GABRB1: variants seen among roughly 807,000 people sequenced by gnomAD.
The protein encoded by GABRB1 is gamma-aminobutyric acid receptor subunit beta-1.
A neutral mutation model predicts 51.6 loss-of-function variants in GABRB1; 17 were observed. That is an observed-to-expected ratio of 0.33 (90% CI 0.23 to 0.49). The LOEUF is 0.49. Among genes scored for constraint, GABRB1 ranks in the 20% least tolerant of loss-of-function variants. GABRB1 has a pLI of 0.99. For missense variants in GABRB1, 410 were observed against 600.6 expected, an observed-to-expected ratio of 0.68 and a Z score of 3.32; for synonymous variants, 247 against 218.9, an observed-to-expected ratio of 1.13 and a Z score of -1.14.
chr4:47,324,235 C>G (rs766051303), intron 5 of GABRB1, among the ~76,000 whole-genome samples: 1 of 152,140 alleles, frequency 6.6e-6, no homozygotes, highest in Non-Finnish European at 1.5e-5. Context: ...AGTTAGTTCT[C>G]TGTATTTCAC....
intron 8 of GABRB1, among the ~76,000 whole-genome samples, chr4:47,423,443 T>C (rs1033878826): frequency 1.3e-5 from 2 of 152,232 alleles, no homozygotes; most frequent in East Asian, 3.8e-4. Flanking sequence ...CCATGCTTCT[T>C]GGTCCCCGTA....
chr4:47,388,409 T>G (rs1264766058), intron 5 of GABRB1, among the ~76,000 whole-genome samples: 3 of 152,176 alleles, frequency 2.0e-5, no homozygotes, highest in Non-Finnish European at 4.4e-5. Flanking sequence ...AGGGTCGAAA[T>G]GGAGTAGGGA....
chr4:47,268,417 G>A (rs1411447051), intron 4 of GABRB1, among the ~76,000 whole-genome samples: 1 of 152,156 alleles, frequency 6.6e-6, no homozygotes. Context: ...AAAGCCTAAG[G>A]AGTGGAAAAG....
chr4:47,352,642 A>G (rs1244878695), intron 5 of GABRB1, among the ~76,000 whole-genome samples: 1 of 152,234 alleles, frequency 6.6e-6, no homozygotes. Context: ...AATCCAGCAT[A>G]TAAACAGAAT....
At chr4:47,237,168 G>A (rs1389175490) in intron 4 of GABRB1, among the ~76,000 whole-genome samples, 1 of 151,916 alleles carries the variant, frequency 6.6e-6, no homozygotes, top group Non-Finnish European at 1.5e-5. Context: ...CATCAAAAAT[G>A]TATATTATAT....
At chr4:47,069,668 C>A (rs1478435247) in intron 3 of GABRB1, among the ~76,000 whole-genome samples, 1 of 152,022 alleles carries the variant, frequency 6.6e-6, no homozygotes, top group Admixed American at 6.6e-5. Context: ...GAAAGGCCTT[C>A]CTCTCATTCC....
chr4:47,409,197 G>A (rs1728678597), intron 8 of GABRB1, among the ~76,000 whole-genome samples: 1 of 152,192 alleles, frequency 6.6e-6, no homozygotes, highest in South Asian at 2.1e-4. Flanking sequence ...CAGTAGGTGT[G>A]TTACAGTGCT....
chr4:47,421,172 A>G (rs1423712139), intron 8 of GABRB1, among the ~76,000 whole-genome samples: 4 of 151,050 alleles, frequency 2.6e-5, no homozygotes, highest in East Asian at 1.9e-4. Context: ...TTAAATGTCA[A>G]ACCACTTAAT....
chr4:47,018,526 C>T (rs1377628326), intron 1 of GABRB1, among the ~76,000 whole-genome samples: 2 of 152,052 alleles, frequency 1.3e-5, no homozygotes, highest in Non-Finnish European at 2.9e-5. Context: ...GGGGCCCTCA[C>T]CCCCCAGGCA....
chr4:47,424,237 T>C (rs140683800), intron 8 of GABRB1, among the ~76,000 whole-genome samples: 204 of 152,338 alleles, frequency 1.3e-3, no homozygotes, highest in African/African-American at 4.7e-3. Flanking sequence ...GAGCTTGAGC[T>C]TTGAATCAGA....
At chr4:47,204,392 A>C (rs1460945407) in intron 4 of GABRB1, among the ~76,000 whole-genome samples, 2 of 152,174 alleles carry the variant, frequency 1.3e-5, no homozygotes, top group African/African-American at 4.8e-5. Context: ...ACTTTAGACT[A>C]TTGGTCAAAT....
chr4:47,315,706 A>G (rs1479982101), intron 4 of GABRB1, among the ~76,000 whole-genome samples: 2 of 152,092 alleles, frequency 1.3e-5, no homozygotes, highest in Non-Finnish European at 2.9e-5. Context: ...AACCTTAAAA[A>G]AGAATGAGAT....
chr4:47,414,764 A>G (rs1728860481), intron 8 of GABRB1, among the ~76,000 whole-genome samples: 1 of 152,180 alleles, frequency 6.6e-6, no homozygotes. Context: ...CAACTTTCTA[A>G]ATGTAAATCA....
intron 3 of GABRB1, among the ~76,000 whole-genome samples, chr4:47,141,111 C>T (rs1386919367): frequency 4.6e-5 from 7 of 151,658 alleles, no homozygotes; most frequent in Non-Finnish European, 7.4e-5. Flanking sequence ...CAACTAATAT[C>T]GCTATACTAG....
intron 4 of GABRB1, among the ~76,000 whole-genome samples, chr4:47,190,940 C>A (rs1719417573): frequency 1.3e-5 from 2 of 152,116 alleles, no homozygotes; most frequent in Admixed American, 6.5e-5. Flanking sequence ...CCAGATCTAA[C>A]TTGTACATGT....
intron 5 of GABRB1, among the ~76,000 whole-genome samples, chr4:47,324,439 A>G (rs1227609467): frequency 6.6e-6 from 1 of 152,080 alleles, no homozygotes; most frequent in Admixed American, 6.6e-5. Context: ...AACTCTTCTC[A>G]TCTTAAAACA....
At chr4:47,110,774 A>T (rs895141604) in intron 3 of GABRB1, among the ~76,000 whole-genome samples, 3 of 152,196 alleles carry the variant, frequency 2.0e-5, no homozygotes, top group Non-Finnish European at 4.4e-5. Context: ...TGTCAGTGGA[A>T]TCTAAAAGAT....
chr4:47,080,703 C>A (rs1727798126), intron 3 of GABRB1, among the ~76,000 whole-genome samples: 1 of 152,118 alleles, frequency 6.6e-6, no homozygotes, highest in Non-Finnish European at 1.5e-5. Flanking sequence ...TACAGCCATG[C>A]CCAGTGTGCC....
intron 5 of GABRB1, among the ~76,000 whole-genome samples, chr4:47,385,826 C>T (rs1273069677): frequency 6.6e-6 from 1 of 152,192 alleles, no homozygotes; most frequent in Non-Finnish European, 1.5e-5. Context: ...AAACCTCCCT[C>T]TAGGTTTGAC....
Sources: gnomAD v4.1 joint callset for allele counts (sites outside exome capture counted in the v4.1 genomes callset) on GRCh38, gnomAD v4.1.1 for gene constraint, MANE v1.5 for transcripts, NCBI Gene and HGNC (gene_info 2026-07-23, HGNC 2026-07-21) for gene names.